The following GRB2 variants were observed in gnomAD, a reference collection of about 807,000 sequenced individuals.
GRB2 encodes the protein growth factor receptor-bound protein 2.
GRB2 carries 2 observed loss-of-function variants against 27.4 expected under a neutral mutation model. The ratio of observed to expected loss-of-function variants is 0.07; its 90% CI spans 0.03 to 0.23. The LOEUF (loss-of-function observed/expected upper bound fraction) is 0.23, where lower values mean the gene tolerates loss of function less well. Ranked by LOEUF, GRB2 falls within the 10% of genes least tolerant of loss-of-function variation. The pLI, the probability that GRB2 is intolerant of heterozygous loss-of-function variation, is 1.00. For synonymous variants in GRB2, 94 were observed against 99.6 expected, an observed-to-expected ratio of 0.94 and a Z score of 0.33; for missense variants, 102 against 282.4, an observed-to-expected ratio of 0.36 and a Z score of 4.58.
At chr17:75,349,855 C>A (rs1288838642) in intron 2 of GRB2, among the ~76,000 whole-genome samples, 1 of 151,880 alleles carries the variant, frequency 6.6e-6, no homozygotes, top group Non-Finnish European at 1.5e-5. Flanking sequence ...CCACCCACTG[C>A]CTCACTTTGG....
intron 2 of GRB2, among the ~76,000 whole-genome samples, chr17:75,341,447 T>TAAAAAAAAAAAA (rs61039194): frequency 1.8e-5 from 2 of 110,278 alleles, no homozygotes; most frequent in African/African-American, 7.6e-5. Context: ...GTGACTCCAT[T>TAAAAAAAAAAAA]AAAAAAAAAA....
At chr17:75,366,591 G>A (rs2078821420) in intron 2 of GRB2, among the ~76,000 whole-genome samples, 1 of 151,546 alleles carries the variant, frequency 6.6e-6, no homozygotes, top group Non-Finnish European at 1.5e-5. Flanking sequence ...TTGAGCCCAG[G>A]AATTCAAAGC....
chr17:75,347,000 C>T (rs2145837336), intron 2 of GRB2, among the ~76,000 whole-genome samples: 1 of 152,278 alleles, frequency 6.6e-6, no homozygotes, highest in African/African-American at 2.4e-5. Flanking sequence ...ATTCTCCCAG[C>T]TCCCACCCTG....
At position 75,320,628 on chromosome 17, in the gene GRB2, T is replaced by G; in HGVS notation, c.469-75A>C. The G allele has an allele frequency of 3.5e-6, 4 of 1,140,082 alleles. No homozygotes were observed. The South Asian group carries it at 5.2e-5, about 15-fold the overall frequency. 70.6% of individuals were successfully genotyped at this position (1,140,082 alleles called of 1,614,324 possible). Reference sequence around the variant, plus strand: ...TGGCCACCTCCGAGGCCAGATGGGTTCCAGGGGGAAACGAATGCGTGCCAA... The same window carrying G: ...TGGCCACCTCCGAGGCCAGATGGGTGCCAGGGGGAAACGAATGCGTGCCAA... On this transcript the variant is annotated intron_variant, in intron 5 of 5. Transcript: ENST00000316804. The surrounding 1 kb of genome is among the most constrained non-coding windows in gnomAD (Gnocchi z 4.3).
chr17:75,354,516 G>A (rs977808980), intron 2 of GRB2, among the ~76,000 whole-genome samples: 2 of 152,092 alleles, frequency 1.3e-5, no homozygotes, highest in African/African-American at 2.4e-5. Context: ...CTGCTCACGC[G>A]AGGGATCTAG....
intron 3 of GRB2, among the ~76,000 whole-genome samples, chr17:75,331,081 G>T (rs1433288027): frequency 6.6e-6 from 1 of 152,174 alleles, no homozygotes; most frequent in Non-Finnish European, 1.5e-5. Flanking sequence ...TACTGACCCT[G>T]ACCCTATACT....
At chr17:75,369,705 A>AAAAAAATT (rs988133873) in intron 2 of GRB2, among the ~76,000 whole-genome samples, 2 of 151,156 alleles carry the variant, frequency 1.3e-5, no homozygotes, top group Non-Finnish European at 3.0e-5. Flanking sequence ...AAAAAAAAAA[A>AAAAAAATT]AAAATTAGCC....
chr17:75,325,415 C>T (rs768517332), intron 4 of GRB2, among the ~76,000 whole-genome samples: 10 of 152,214 alleles, frequency 6.6e-5, no homozygotes, highest in Admixed American at 6.5e-5. Context: ...TCCCTGCTTA[C>T]CCGCTCCCTT....
intron 2 of GRB2, among the ~76,000 whole-genome samples, chr17:75,334,708 G>C: frequency 6.6e-6 from 1 of 152,156 alleles, no homozygotes; most frequent in Non-Finnish European, 1.5e-5. Flanking sequence ...GGAAGGCTAA[G>C]GTGGGAAGAC....
chr17:75,396,947 A>T (rs571600546), intron 1 of GRB2, among the ~76,000 whole-genome samples: 1 of 152,340 alleles, frequency 6.6e-6, no homozygotes, highest in South Asian at 2.1e-4. Flanking sequence ...TCAGGATTTA[A>T]GACAGCTGCA....
chr17:75,324,598 A>C (rs1317241197), intron 4 of GRB2, among the ~76,000 whole-genome samples: 1 of 131,910 alleles, frequency 7.6e-6, no homozygotes, highest in Admixed American at 8.4e-5. Context: ...CCTCACTACA[A>C]CCTCCGCCTC....
intron 2 of GRB2, among the ~76,000 whole-genome samples, chr17:75,341,539 A>G (rs2078621731): frequency 6.6e-6 from 1 of 151,506 alleles, no homozygotes; most frequent in Non-Finnish European, 1.5e-5. Context: ...GAATGGTGAG[A>G]GGTTCTGACT....
chr17:75,354,255 CTT>C (rs201547642), intron 2 of GRB2, among the ~76,000 whole-genome samples: 5 of 44,498 alleles, frequency 1.1e-4, no homozygotes, highest in South Asian at 1.1e-3. Context: ...TATTCATGGT[CTT>C]TTTTTTTGGG....
intron 4 of GRB2, among the ~76,000 whole-genome samples, chr17:75,325,561 G>A (rs1057071160): frequency 4.6e-5 from 7 of 152,312 alleles, no homozygotes; most frequent in African/African-American, 1.2e-4. Context: ...CAAGGCAGCC[G>A]ACAGGCGCTC....
At chr17:75,362,601 T>C (rs2078791117) in intron 2 of GRB2, among the ~76,000 whole-genome samples, 1 of 152,244 alleles carries the variant, frequency 6.6e-6, no homozygotes. Context: ...TATTGCTGGG[T>C]GTTAAACAGA....
chr17:75,387,198 G>A (rs1162367508), intron 2 of GRB2, among the ~76,000 whole-genome samples: 2 of 151,872 alleles, frequency 1.3e-5, no homozygotes, highest in Admixed American at 6.6e-5. Flanking sequence ...TGCCCAGGAC[G>A]GTGGCTCAAG....
chr17:75,334,331 C>T (rs912940228), intron 2 of GRB2, among the ~76,000 whole-genome samples: 3 of 151,914 alleles, frequency 2.0e-5, no homozygotes, highest in Non-Finnish European at 2.9e-5. Context: ...CCACCACGCC[C>T]GGCTAATTTT....
At chr17:75,355,087 C>G (rs1223879377) in intron 2 of GRB2, among the ~76,000 whole-genome samples, 3 of 152,184 alleles carry the variant, frequency 2.0e-5, no homozygotes, top group Non-Finnish European at 2.9e-5. Context: ...GGATTACAGG[C>G]GTGAGCCACC....
intron 4 of GRB2, among the ~76,000 whole-genome samples, chr17:75,325,449 G>A (rs1427935191): frequency 1.3e-5 from 2 of 152,168 alleles, no homozygotes; most frequent in Non-Finnish European, 2.9e-5. Context: ...TTCCACCGGG[G>A]AAATGCAAGC....
Sources: allele counts gnomAD v4.1 joint callset (sites outside exome capture counted in the v4.1 genomes callset), GRCh38; gene constraint gnomAD v4.1.1; non-coding constraint Gnocchi (gnomAD v3.1); transcripts MANE v1.5; gene names NCBI Gene and HGNC (gene_info 2026-07-23, HGNC 2026-07-21).